Variants in GOPC observed in about 807,000 individuals in gnomAD.
The protein encoded by GOPC is golgi associated PDZ and coiled-coil motif containing, also known as Golgi-associated PDZ and coiled-coil motif-containing protein.
In GOPC, 32 loss-of-function variants were observed where a neutral mutation model predicts 51.2. The observed-to-expected ratio is 0.63, with a 90% CI of 0.47 to 0.84. GOPC has a LOEUF of 0.84. Ranked by LOEUF, GOPC falls within the 40% of genes least tolerant of loss-of-function variation. GOPC has a pLI of 0.00. For synonymous variants in GOPC, 190 were observed against 205.1 expected (o/e 0.93, Z 0.63); for missense variants, 441 against 555.5 (o/e 0.79, Z 2.07).
chr6:117,590,123 G>A (rs765236894), intron 1 of GOPC, among the ~76,000 whole-genome samples: 1 of 152,136 alleles, frequency 6.6e-6, no homozygotes, highest in Non-Finnish European at 1.5e-5. Context: ...GAATGATTGT[G>A]GGTAATCTTT....
chr6:117,596,209 C>T (rs1780195258), intron 1 of GOPC, among the ~76,000 whole-genome samples: 1 of 151,976 alleles, frequency 6.6e-6, no homozygotes, highest in South Asian at 2.1e-4. Context: ...AGAGAATTAT[C>T]TATTCATGTC....
intron 1 of GOPC, among the ~76,000 whole-genome samples, chr6:117,597,278 C>T (rs1167091384): frequency 6.6e-6 from 1 of 152,124 alleles, no homozygotes; most frequent in Non-Finnish European, 1.5e-5. Flanking sequence ...GTTCTAGGAG[C>T]TTTATGGATG....
intron 8 of GOPC, among the ~76,000 whole-genome samples, chr6:117,565,024 G>A (rs987648111): frequency 1.6e-4 from 24 of 151,912 alleles, no homozygotes; most frequent in African/African-American, 5.8e-4. Context: ...CTGTTTATGT[G>A]GATTATAGCT....
intron 1 of GOPC, among the ~76,000 whole-genome samples, chr6:117,587,765 A>C (rs1780054901): frequency 6.6e-6 from 1 of 152,146 alleles, no homozygotes; most frequent in African/African-American, 2.4e-5. Flanking sequence ...ATGATGAGTA[A>C]AATGTTGGGA....
intron 1 of GOPC, among the ~76,000 whole-genome samples, chr6:117,599,626 C>T (rs935441764): frequency 7.9e-5 from 12 of 152,202 alleles, no homozygotes; most frequent in African/African-American, 2.7e-4. Flanking sequence ...CCCCATTTTC[C>T]TATGATCTTT....
chr6:117,566,791 T>C (rs1488267491), intron 8 of GOPC, 63 bp downstream of exon 8: 2 of 1,107,258 alleles, frequency 1.8e-6, no homozygotes, highest in Non-Finnish European at 2.5e-6. Flanking sequence ...TTCTGAGGCC[T>C]TCACATTTTA....
chr6:117,579,265 G>T (rs1779925625), intron 1 of GOPC, among the ~76,000 whole-genome samples: 1 of 152,080 alleles, frequency 6.6e-6, no homozygotes, highest in African/African-American at 2.4e-5. Flanking sequence ...GGTAGCAAGA[G>T]AAATCCACTA....
chr6:117,584,632 C>A (rs1046619022), intron 1 of GOPC, among the ~76,000 whole-genome samples: 2 of 152,078 alleles, frequency 1.3e-5, no homozygotes, highest in African/African-American at 4.8e-5. Context: ...CAGAAGCTCT[C>A]CTAACCCTGT....
rs758656022 is a variant in GOPC at position 117,563,277 on chromosome 6, G to C, written c.1366C>G (p.Leu456Val). 12 of 1,612,988 alleles carry C rather than the reference G, an allele frequency of 7.4e-6. No homozygotes were observed. Among genetic ancestry groups the C allele is most frequent in the Non-Finnish European group, 1.0e-5 (12 of 1,179,080 alleles). The change falls in exon 9 of 9, where the codon CTG becomes GTG. Residue 456 changes from leucine to valine, a missense_variant. Transcript: ENST00000368498. ...GASKLDDLHT[L>V]YHKKSY ...ATTTAATAAGATTTTTTATGATACA[G>C]AGTGTGCAGATCATCTAATTTTGAA...
chr6:117,602,279 C>A lies in GOPC; in HGVS notation c.10G>T (p.Gly4Cys). 6.3e-7 allele frequency: 1 copy of A among 1,590,660 alleles called. No homozygotes were observed. Residue 4 changes from glycine to cysteine, a missense_variant, in exon 1 of 9, where the codon GGC (glycine) becomes TGC (cysteine). This residue lies in a region of GOPC where 204 missense variants were observed against 219.8 expected (regional missense o/e 0.93). Transcript: ENST00000368498. MSA[G>C]GPCPAAAGGG... ...CCGGCTGCTGCTGGGCATGGACCGC[C>A]CGCCGACATGGCGCCGTCAAGGGCC...
intron 1 of GOPC, among the ~76,000 whole-genome samples, chr6:117,596,248 G>GT (rs1273118591): frequency 4.0e-5 from 6 of 151,726 alleles, no homozygotes; most frequent in African/African-American, 1.5e-4. Flanking sequence ...GGGATTGTTT[G>GT]TTTTTTTCTT....
intron 1 of GOPC, among the ~76,000 whole-genome samples, chr6:117,588,425 G>A (rs771767150): frequency 2.0e-5 from 3 of 151,812 alleles, no homozygotes; most frequent in East Asian, 1.9e-4. Context: ...ACCACTGCCC[G>A]CCACCACGCC....
At chr6:117,599,246 T>C (rs1176422062) in intron 1 of GOPC, among the ~76,000 whole-genome samples, 1 of 152,218 alleles carries the variant, frequency 6.6e-6, no homozygotes, top group East Asian at 1.9e-4. Context: ...CCACTGAATG[T>C]CACGTTTGTC....
At chr6:117,572,916 T>C (rs947209689) in intron 5 of GOPC, among the ~76,000 whole-genome samples, 2 of 152,240 alleles carry the variant, frequency 1.3e-5, no homozygotes, top group Non-Finnish European at 2.9e-5. Context: ...GTCTATATTA[T>C]CAAGCAGCTG....
At position 117,561,206 on chromosome 6, in the gene GOPC, C is replaced by A. The variant is rs1458624148; in HGVS notation, c.*2048G>T. The A allele has an allele frequency of 1.8e-5, 4 of 222,884 alleles. No individual in the cohort carries two copies. Among genetic ancestry groups the A allele is most frequent in the African/African-American group, 8.9e-5 (4 of 44,742 alleles). The allele number at this position is 222,884 out of a possible 1,614,324, so 13.8% of individuals were successfully genotyped here. On this transcript the variant is annotated 3_prime_UTR_variant, in exon 9 of 9. Coordinates refer to ENST00000368498, the MANE Select transcript of GOPC (RefSeq NM_020399.4). ...TCCTTAAAAGGAATTTATATCATGA[C>A]AATCTCACACAATTCTTCAAATTAC...
At chr6:117,578,842 T>C in intron 2 of GOPC, 58 bp downstream of exon 2, 2 of 1,156,666 alleles carry the variant, frequency 1.7e-6, no homozygotes, top group Non-Finnish European at 2.3e-6. Context: ...TCATTCAAAA[T>C]TGTCCTGTAC....
At chr6:117,600,808 C>T (rs1771990338) in intron 1 of GOPC, among the ~76,000 whole-genome samples, 2 of 152,106 alleles carry the variant, frequency 1.3e-5, no homozygotes, top group South Asian at 4.1e-4. Context: ...AAGTGATTAC[C>T]TTCATATTAG....
At chr6:117,588,686 G>T (rs556508446) in intron 1 of GOPC, among the ~76,000 whole-genome samples, 1 of 151,738 alleles carries the variant, frequency 6.6e-6, no homozygotes. Flanking sequence ...ATATTAACAT[G>T]TAATGAGTTT....
At chr6:117,575,662 C>T (rs1050109074) in intron 3 of GOPC, 15 of 443,114 alleles carry the variant, frequency 3.4e-5, no homozygotes, top group African/African-American at 2.0e-5. Flanking sequence ...CTATTTACTT[C>T]TAAAACCCTT....
Sources: allele counts gnomAD v4.1 joint callset (sites outside exome capture counted in the v4.1 genomes callset), GRCh38; gene constraint gnomAD v4.1.1; regional missense constraint gnomAD v4.1.1; transcripts MANE v1.5; gene names NCBI Gene and HGNC (gene_info 2026-07-23, HGNC 2026-07-21).